The following AGAP1 variants were observed in gnomAD, a reference collection of about 807,000 sequenced individuals.
The protein encoded by AGAP1 is arf-GAP with GTPase, ANK repeat and PH domain-containing protein 1.
AGAP1 carries 29 observed loss-of-function variants against 105.3 expected under a neutral mutation model. That is an observed-to-expected ratio of 0.28 (90% CI 0.21 to 0.38). The LOEUF is 0.38. Ranked by LOEUF, AGAP1 falls within the 10% of genes least tolerant of loss-of-function variation. The pLI, the probability that AGAP1 is intolerant of heterozygous loss-of-function variation, is 1.00. For synonymous variants in AGAP1, 509 were observed against 485.9 expected, an observed-to-expected ratio of 1.05 and a Z score of -0.63; for missense variants, 998 against 1,165.1, an observed-to-expected ratio of 0.86 and a Z score of 2.09.
At chr2:235,520,864 T>C (rs370906021) in intron 1 of AGAP1, among the ~76,000 whole-genome samples, 1 of 152,176 alleles carries the variant, frequency 6.6e-6, no homozygotes, top group Non-Finnish European at 1.5e-5. Flanking sequence ...TGCATTGCGG[T>C]GAAAGCTGTT....
In AGAP1 at chr2:235,620,683, GTC is replaced by G. The variant is rs1472284468; in HGVS notation, c.164-88487_164-88486del. Among the ~76,000 whole-genome samples the G allele has an allele frequency of 1.3e-5, 2 of 152,060 alleles. No homozygotes were observed. The highest frequency in any genetic ancestry group is 2.9e-5 in the Non-Finnish European group (2 of 68,026). ...ACCCCAGCTCCCTGACATGTCTGGT[GTC>G]TCTCTCTCCCCACTGGATGGAATAT... On this transcript the variant is annotated intron_variant, in intron 1 of 17. Transcript: ENST00000304032. The surrounding 1 kb of genome is among the most constrained non-coding windows in gnomAD (Gnocchi z 4.5).
chr2:235,551,258 C>G lies in AGAP1; in HGVS notation c.163+56409C>G, dbSNP rs1448068096. ...CCTTCTTGGATCAGGATTTCCAGGC[C>G]TCTGCATCTCTTGAGTTGATTCTGA... On this transcript the variant is annotated intron_variant, in intron 1 of 17. Transcript: ENST00000304032. This position sits in a 1 kb window ranked among gnomAD's most constrained non-coding sequence, Gnocchi z 4.8. Among the ~76,000 whole-genome samples, 1 of 152,108 alleles carries G rather than the reference C, an allele frequency of 6.6e-6. No homozygotes were observed. Among genetic ancestry groups the G allele is most frequent in the Non-Finnish European group, 1.5e-5 (1 of 68,016 alleles).
At chr2:235,819,904 C>CT (rs1179307250) in intron 9 of AGAP1, among the ~76,000 whole-genome samples, 32,330 of 130,116 alleles carry the variant, frequency 0.25, 4,999 homozygotes, top group Admixed American at 0.37. Context: ...TTCTTTCTTT[C>CT]TTTTTTTTTT....
At chr2:235,829,866 G>A (rs1959198696) in intron 9 of AGAP1, among the ~76,000 whole-genome samples, 1 of 152,166 alleles carries the variant, frequency 6.6e-6, no homozygotes, top group Non-Finnish European at 1.5e-5. Flanking sequence ...AGAGAAGGTG[G>A]TGTGAAGAAC....
chr2:235,522,270 G>T (rs181956826), intron 1 of AGAP1, among the ~76,000 whole-genome samples: 2 of 152,320 alleles, frequency 1.3e-5, no homozygotes, highest in East Asian at 3.9e-4. Flanking sequence ...TGTCACGTCG[G>T]TTGAGGATTT....
At chr2:235,811,329 G>A (rs745987408) in intron 9 of AGAP1, among the ~76,000 whole-genome samples, 18 of 152,336 alleles carry the variant, frequency 1.2e-4, no homozygotes, top group Non-Finnish European at 1.9e-4. Context: ...GGTAGCGTAC[G>A]CTAGAAGGAT....
In AGAP1 at chr2:235,556,311, T is replaced by G. The variant is rs901061133; in HGVS notation, c.163+61462T>G. The stretch of plus-strand genomic sequence containing the variant: ...GTGACCCCCTGGGTCCCCTTTGTCC[T>G]TGGCCTATACCTGCCTTCTGCATTC... On this transcript the variant is annotated intron_variant, in intron 1 of 17. Coordinates refer to ENST00000304032, the MANE Select transcript of AGAP1 (RefSeq NM_001037131.3). This position sits in a 1 kb window ranked among gnomAD's most constrained non-coding sequence, Gnocchi z 5.3. 2.6e-5 allele frequency among the ~76,000 whole-genome samples: 4 copies of G among 152,250 alleles called. No homozygotes were observed. Among genetic ancestry groups the G allele is most frequent in the African/African-American group, 9.6e-5 (4 of 41,472 alleles).
At chr2:235,684,367 G>A (rs1461071969) in intron 1 of AGAP1, among the ~76,000 whole-genome samples, 1 of 152,170 alleles carries the variant, frequency 6.6e-6, no homozygotes. Flanking sequence ...AGGCAATCAC[G>A]AGACCCAGCC....
At chr2:235,815,500 G>A in intron 9 of AGAP1, among the ~76,000 whole-genome samples, 1 of 152,142 alleles carries the variant, frequency 6.6e-6, no homozygotes, top group Non-Finnish European at 1.5e-5. Context: ...CAAATTTTGG[G>A]GGGACGTATT....
At chr2:236,048,009 T>C (rs75381190) in intron 15 of AGAP1, among the ~76,000 whole-genome samples, 1,529 of 152,320 alleles carry the variant, frequency 0.01, 23 homozygotes, top group African/African-American at 0.034. Context: ...CGTAAGGCTA[T>C]TGCTGGTTAC....
intron 1 of AGAP1, among the ~76,000 whole-genome samples, chr2:235,499,696 G>A (rs1476333772): frequency 6.6e-6 from 1 of 152,216 alleles, no homozygotes; most frequent in Non-Finnish European, 1.5e-5. Flanking sequence ...CTCGGTCTCT[G>A]TTGGTGTCAC....
intron 1 of AGAP1, among the ~76,000 whole-genome samples, chr2:235,524,002 C>T (rs1316115460): frequency 6.6e-6 from 1 of 152,206 alleles, no homozygotes. Flanking sequence ...ACCCTGTGAC[C>T]TGGCCAGGGT....
chr2:235,910,579 G>C (rs2051557726), intron 11 of AGAP1, among the ~76,000 whole-genome samples: 1 of 152,142 alleles, frequency 6.6e-6, no homozygotes, highest in Non-Finnish European at 1.5e-5. Flanking sequence ...AATGCTGAAG[G>C]CTTTATTACA....
intron 1 of AGAP1, among the ~76,000 whole-genome samples, chr2:235,686,636 TATATATATAGATATATATATA>T (rs1949430774): frequency 7.8e-5 from 4 of 50,960 alleles, no homozygotes; most frequent in East Asian, 6.7e-4. Context: ...TATATATATA[TATATATATAGATATATATATA>T]TATATATATT....
chr2:236,009,255 G>A lies in AGAP1; in HGVS notation c.1646-27306G>A, dbSNP rs1031754526. ...GAGCAAATGAACGTTCAAATGGCCA[G>A]CACAAAAGAAATCCCCAATCTCTAA... is the stretch of plus-strand genomic sequence containing the variant. On this transcript the variant is annotated intron_variant, in intron 13 of 17. Transcript: ENST00000304032. This position sits in a 1 kb window ranked among gnomAD's most constrained non-coding sequence, Gnocchi z 4.2. 3.3e-5 allele frequency among the ~76,000 whole-genome samples: 5 copies of A among 152,180 alleles called. No homozygotes were observed. The highest frequency in any genetic ancestry group is 7.3e-5 in the Non-Finnish European group (5 of 68,034).
intron 6 of AGAP1, among the ~76,000 whole-genome samples, chr2:235,773,367 G>A (rs1466307164): frequency 1.3e-5 from 2 of 152,180 alleles, no homozygotes; most frequent in Non-Finnish European, 2.9e-5. Context: ...CTGATTGGTT[G>A]TGGAAAGCAA....
intron 1 of AGAP1, among the ~76,000 whole-genome samples, chr2:235,699,470 G>A (rs1256598484): frequency 6.6e-6 from 1 of 152,114 alleles, no homozygotes; most frequent in Non-Finnish European, 1.5e-5. Context: ...CTGGAGTTCT[G>A]TGACTCCTTT....
At position 235,991,104 on chromosome 2, in the gene AGAP1, G is replaced by A. The variant is rs143985583; in HGVS notation, c.1645+22481G>A. Reference sequence around the variant, plus strand: ...AGTACTTGTTTGTAGTTAACATCACGTGCTATATGCTTATGTTCTACTGTA... The same window carrying A: ...AGTACTTGTTTGTAGTTAACATCACATGCTATATGCTTATGTTCTACTGTA... On this transcript the variant is annotated intron_variant, in intron 13 of 17. Transcript: ENST00000304032. Among the ~76,000 whole-genome samples, 527 of 152,306 alleles carry A rather than the reference G, an allele frequency of 3.5e-3. 1 individual carries two copies. Among genetic ancestry groups the A allele is most frequent in the Non-Finnish European group, 6.0e-3 (407 of 68,016 alleles).
In AGAP1 at chr2:236,105,739, G is replaced by A. The variant is rs189787902; in HGVS notation, c.2115-14453G>A. Among the ~76,000 whole-genome samples the A allele has an allele frequency of 1.3e-3, 204 of 151,890 alleles. 1 individual carries two copies. Among genetic ancestry groups the A allele is most frequent in the African/African-American group, 4.6e-3 (191 of 41,454 alleles). ...CTCCCGAGTAGCTGGGACTACAGGC[G>A]CCCGCCACCATGCCCGGCTGATTTT... On this transcript the variant is annotated intron_variant, in intron 16 of 17. Coordinates refer to ENST00000304032, the MANE Select transcript of AGAP1 (RefSeq NM_001037131.3). This position sits in a 1 kb window ranked among gnomAD's most constrained non-coding sequence, Gnocchi z 4.2.
Sources: allele counts gnomAD v4.1 joint callset (sites outside exome capture counted in the v4.1 genomes callset), GRCh38; gene constraint gnomAD v4.1.1; non-coding constraint Gnocchi (gnomAD v3.1); transcripts MANE v1.5; gene names NCBI Gene and HGNC (gene_info 2026-07-23, HGNC 2026-07-21).